Variants in DNAH7 observed in about 807,000 individuals in gnomAD.
DNAH7 encodes dynein axonemal heavy chain 7, also known as axonemal beta dynein heavy chain 7.
In DNAH7, 397 loss-of-function variants were observed where a neutral mutation model predicts 444.6. The observed-to-expected ratio is 0.89, with a 90% CI of 0.82 to 0.97. The LOEUF is 0.97. Among genes scored for constraint, DNAH7 ranks in the 50% least tolerant of loss-of-function variants. DNAH7 has a pLI of 0.00. For synonymous variants in DNAH7, 1,636 were observed against 1,624.4 expected (o/e 1.01, Z -0.17); for missense variants, 4,902 against 4,800.8 (o/e 1.02, Z -0.62).
chr2:196,024,646 TGAG>T (rs34207625), intron 7 of DNAH7, 142 bp from the exon 8 acceptor site: 9,154 of 480,320 alleles, frequency 0.019, 688 homozygotes, highest in African/African-American at 0.17. Context: ...TGTGCATTTA[TGAG>T]GAGAAGAAAA....
intron 61 of DNAH7, 36 bp downstream of exon 61, chr2:195,771,624 T>C (rs1325921855): frequency 6.8e-7 from 1 of 1,478,970 alleles, no homozygotes; most frequent in African/African-American, 1.4e-5. Flanking sequence ...CTATATATAA[T>C]TTAATGGGGG....
intron 9 of DNAH7, among the ~76,000 whole-genome samples, chr2:196,015,941 TCAC>T (rs1318935109): frequency 1.3e-5 from 2 of 152,250 alleles, no homozygotes; most frequent in African/African-American, 4.8e-5. Flanking sequence ...AGCTCTTCTT[TCAC>T]CCACAGACTG....
chr2:195,956,140 G>A (rs1387419876), intron 19 of DNAH7, among the ~76,000 whole-genome samples: 1 of 151,992 alleles, frequency 6.6e-6, no homozygotes, highest in Non-Finnish European at 1.5e-5. Flanking sequence ...CAATATTTCG[G>A]ATTATAGTAA....
chr2:195,863,644 T>A (rs1381453868), intron 41 of DNAH7, among the ~76,000 whole-genome samples: 3 of 152,160 alleles, frequency 2.0e-5, no homozygotes, highest in Non-Finnish European at 4.4e-5. Context: ...ATTTTGATCC[T>A]CCCTTCCTTT....
chr2:195,852,915 CAGAG>C (rs201538951), intron 46 of DNAH7, among the ~76,000 whole-genome samples: 11,021 of 84,038 alleles, frequency 0.13, 541 homozygotes, highest in East Asian at 0.34. Context: ...CACACACACA[CAGAG>C]AGAGAGAGAG....
chr2:195,849,884 T>C (rs1364508321), intron 46 of DNAH7, among the ~76,000 whole-genome samples: 2 of 152,204 alleles, frequency 1.3e-5, no homozygotes, highest in African/African-American at 4.8e-5. Context: ...ATTACGGGTG[T>C]GAGCCACCTC....
rs763199735 is a variant in DNAH7 at position 195,970,105 on chromosome 2, C to G, written c.2059-11G>C. 2.5e-6 allele frequency: 4 copies of G among 1,584,150 alleles called. No individual in the cohort carries two copies. The South Asian group carries it at 4.7e-5, about 19-fold the overall frequency. ...CCGTTCACACCGTAACTAATAAAAA[C>G]AATTTGTTGTTAATATTCTTAAAAG... On this transcript the variant is annotated splice_polypyrimidine_tract_variant and intron_variant, in intron 16 of 64. Coordinates refer to ENST00000312428, the MANE Select transcript of DNAH7 (RefSeq NM_018897.3).
Position 195,864,828 on chromosome 2 carries a change from G to T in DNAH7, c.6827C>A (p.Pro2276His), listed in dbSNP as rs1700229552. 6.2e-7 allele frequency: 1 copy of T among 1,613,932 alleles called. No homozygotes were observed. The highest frequency in any genetic ancestry group is 1.7e-5 in the Admixed American group (1 of 59,984). Residue 2276 changes from proline to histidine, a missense_variant, in exon 41 of 65, where the codon CCC (proline) becomes CAC (histidine). By Grantham distance (77) the Pro-to-His change is moderately conservative. Coordinates refer to ENST00000312428, the MANE Select transcript of DNAH7 (RefSeq NM_018897.3). ...TCTGTAGTTGGTATCCTCCCTCTTGGGATCATGGAAATCACAAAACATTAA... is the reference window on the plus strand; with the variant it reads ...TCTGTAGTTGGTATCCTCCCTCTTGTGATCATGGAAATCACAAAACATTAA... ...RSLMFCDFHDPKREDTNYREI... is the reference protein window; with the variant it reads ...RSLMFCDFHDHKREDTNYREI...
At chr2:195,750,011 TAAAA>T (rs1283434676) in intron 63 of DNAH7, among the ~76,000 whole-genome samples, 1 of 151,548 alleles carries the variant, frequency 6.6e-6, no homozygotes, top group African/African-American at 2.4e-5. Context: ...AATAAAGAAA[TAAAA>T]TAAATAAATA....
chr2:196,022,620 T>C (rs1008806548), intron 8 of DNAH7, among the ~76,000 whole-genome samples: 18 of 152,230 alleles, frequency 1.2e-4, no homozygotes, highest in African/African-American at 3.1e-4. Flanking sequence ...CTTCTAATTC[T>C]TGTTCTCTGG....
intron 45 of DNAH7, among the ~76,000 whole-genome samples, chr2:195,855,083 T>G (rs774359991): frequency 1.3e-5 from 2 of 152,240 alleles, no homozygotes; most frequent in African/African-American, 4.8e-5. Context: ...TTGATCTTTC[T>G]GTTCTTTAGT....
chr2:196,029,622 T>A (rs1460828026), intron 5 of DNAH7, among the ~76,000 whole-genome samples: 1 of 152,046 alleles, frequency 6.6e-6, no homozygotes, highest in Admixed American at 6.6e-5. Context: ...AAGAAGACAA[T>A]GACATAATTA....
At chr2:196,029,666 G>C (rs537281905) in intron 5 of DNAH7, among the ~76,000 whole-genome samples, 2 of 152,208 alleles carry the variant, frequency 1.3e-5, no homozygotes, top group African/African-American at 4.8e-5. Flanking sequence ...GTGAATGTCA[G>C]AGAGGTTTAA....
chr2:195,954,121 C>T (rs956896465), intron 19 of DNAH7, among the ~76,000 whole-genome samples: 5 of 152,124 alleles, frequency 3.3e-5, no homozygotes, highest in African/African-American at 1.2e-4. Context: ...TGGTGTGCTG[C>T]ACCCATTAAC....
intron 24 of DNAH7, among the ~76,000 whole-genome samples, chr2:195,918,746 G>C (rs1393148696): frequency 2.0e-5 from 3 of 152,186 alleles, no homozygotes; most frequent in Admixed American, 6.5e-5. Context: ...TTCTGCGGGA[G>C]AGGAGGAGGA....
chr2:195,845,796 G>A (rs755009826), intron 46 of DNAH7, among the ~76,000 whole-genome samples: 5 of 152,186 alleles, frequency 3.3e-5, no homozygotes, highest in African/African-American at 4.8e-5. Flanking sequence ...TAGGGTAACT[G>A]GCTAGCCATA....
chr2:195,836,496 TAA>T (rs200912135), intron 47 of DNAH7, among the ~76,000 whole-genome samples: 41 of 139,336 alleles, frequency 2.9e-4, no homozygotes, highest in Non-Finnish European at 2.5e-4. Context: ...GACCCTGTCT[TAA>T]AAAAAAAAAA....
At position 195,990,874 on chromosome 2, in the gene DNAH7, A is replaced by AAT. The variant is rs200715328; in HGVS notation, c.1354-2647_1354-2646dup. 9.2e-3 allele frequency among the ~76,000 whole-genome samples: 1,193 copies of AAT among 130,382 alleles called. 22 individuals carry two copies. The highest frequency in any genetic ancestry group is 0.065 in the East Asian group (299 of 4,618). The allele number at this position is 130,382 out of a possible 152,430, so 85.5% of individuals were successfully genotyped here. A position where few individuals can be genotyped will look rare whatever the true frequency, so the allele number is the denominator to read the frequency against. On this transcript the variant is annotated intron_variant, in intron 12 of 64. Transcript: ENST00000312428. ...TTAAATATATATACATATATACTTA[A>AAT]ATATATACATATATACTTATATACA...
At chr2:195,812,719 GACC>G (rs1470446222) in intron 51 of DNAH7, among the ~76,000 whole-genome samples, 1 of 152,032 alleles carries the variant, frequency 6.6e-6, no homozygotes, top group African/African-American at 2.4e-5. Flanking sequence ...AATAATTTTA[GACC>G]AATATTAAGA....
Sources: gnomAD v4.1 joint callset for allele counts (sites outside exome capture counted in the v4.1 genomes callset) on GRCh38, gnomAD v4.1.1 for gene constraint, MANE v1.5 for transcripts, NCBI Gene and HGNC (gene_info 2026-07-23, HGNC 2026-07-21) for gene names.